Variants in SELPLG observed in about 807,000 individuals in gnomAD.
SELPLG encodes the protein P-selectin glycoprotein ligand 1.
In SELPLG, 2 loss-of-function variants were observed where a neutral mutation model predicts 1.1. The ratio of observed to expected loss-of-function variants is 1.82; its 90% CI spans 0.74 to 5.71. The LOEUF is 5.71. SELPLG is among the 30% of genes most tolerant of loss of function. The probability of loss-of-function intolerance (pLI) is 0.05; values close to 1 mark genes in which losing one functional copy is unlikely to be tolerated. For synonymous variants in SELPLG, 230 were observed against 221.2 expected (o/e 1.04, Z -0.35); for missense variants, 478 against 524.7 (o/e 0.91, Z 0.87).
chr12:108,629,919 T>G (rs2032014827), intron 1 of SELPLG, among the ~76,000 whole-genome samples: 1 of 152,214 alleles, frequency 6.6e-6, no homozygotes, highest in African/African-American at 2.4e-5. Context: ...CACGGAGGGA[T>G]GATTTCATCC....
chr12:108,632,382 A>C (rs1276730238), intron 1 of SELPLG, among the ~76,000 whole-genome samples: 2 of 129,562 alleles, frequency 1.5e-5, no homozygotes, highest in Non-Finnish European at 3.3e-5. Flanking sequence ...AGATATCGAC[A>C]ATATGGGGTG....
chr12:108,627,592 C>T (rs1037961598), intron 1 of SELPLG, among the ~76,000 whole-genome samples: 19 of 152,188 alleles, frequency 1.2e-4, no homozygotes, highest in Admixed American at 9.8e-4. Flanking sequence ...GGATAAGAAA[C>T]AGTGCCCATC....
In SELPLG at chr12:108,623,245, G is replaced by A. The variant is rs200134503; in HGVS notation, c.1063C>T (p.Arg355Cys). 6.8e-6 allele frequency: 11 copies of A among 1,610,026 alleles called. No homozygotes were observed. Among genetic ancestry groups the A allele is most frequent in the Admixed American group, 3.4e-5 (2 of 59,692 alleles). ...LSRKGHMYPV[R>C]NYSPTEMVCI... ...ACCATCTCGGTGGGGGAGTAATTACGCACGGGGTACATGTGGCCCTTGCGG... is the reference window on the plus strand; with the variant it reads ...ACCATCTCGGTGGGGGAGTAATTACACACGGGGTACATGTGGCCCTTGCGG... Residue 355 changes from arginine (R) to cysteine (C), a missense_variant, in exon 2 of 2, where the codon CGT becomes TGT. Arg to Cys is a radical substitution (Grantham distance 180). Coordinates refer to ENST00000550948, the MANE Select transcript of SELPLG (RefSeq NM_003006.4).
At chr12:108,629,367 C>T (rs551721100) in intron 1 of SELPLG, among the ~76,000 whole-genome samples, 9 of 152,190 alleles carry the variant, frequency 5.9e-5, no homozygotes, top group Non-Finnish European at 1.2e-4. Context: ...ACACAGCAGC[C>T]TGGAGCCAGG....
chr12:108,630,102 G>A (rs1358464152), intron 1 of SELPLG, among the ~76,000 whole-genome samples: 1 of 152,178 alleles, frequency 6.6e-6, no homozygotes, highest in Non-Finnish European at 1.5e-5. Flanking sequence ...GTGGGGCCAG[G>A]GCAGGGCTCC....
In SELPLG at chr12:108,622,663, G is replaced by A. The variant is rs182126081; in HGVS notation, c.*406C>T. ...CCAAAAGACAATGGCAGTGCAGTGC[G>A]TGTGGGATGGGGGAGCTCCATCTTC... On this transcript the variant is annotated 3_prime_UTR_variant, in exon 2 of 2. Coordinates refer to ENST00000550948, the MANE Select transcript of SELPLG (RefSeq NM_003006.4). 1 of 186,916 alleles carries A rather than the reference G, an allele frequency of 5.3e-6. No individual in the cohort carries two copies. Among genetic ancestry groups the A allele is most frequent in the Middle Eastern group, 2.3e-3 (1 of 434 alleles). The allele number at this position is 186,916 out of a possible 1,614,324, so 11.6% of individuals were successfully genotyped here.
At chr12:108,628,663 T>TTG (rs750087087) in intron 1 of SELPLG, 1 of 152,256 alleles carries the variant, frequency 6.6e-6, no homozygotes, top group Non-Finnish European at 1.5e-5. Flanking sequence ...GGGAGGCATC[T>TTG]TGGTGAGTCA....
At chr12:108,631,464 G>T (rs1168723287) in intron 1 of SELPLG, among the ~76,000 whole-genome samples, 1 of 152,112 alleles carries the variant, frequency 6.6e-6, no homozygotes, top group East Asian at 1.9e-4. Flanking sequence ...GCCCAGGTTG[G>T]TCTCAAACTC....
chr12:108,630,933 C>T (rs1240779259), intron 1 of SELPLG, among the ~76,000 whole-genome samples: 5 of 152,242 alleles, frequency 3.3e-5, no homozygotes, highest in African/African-American at 9.6e-5. Flanking sequence ...GGCAGGCACA[C>T]ACCCCTCGCA....
chr12:108,624,686 C>CTTTTTTTT (rs34381191), intron 1 of SELPLG, among the ~76,000 whole-genome samples: 1 of 143,002 alleles, frequency 7.0e-6, no homozygotes, highest in Non-Finnish European at 1.5e-5. Flanking sequence ...CATGTCACTC[C>CTTTTTTTT]TTTTTTCTTT....
At chr12:108,628,890 T>G (rs2031993646) in intron 1 of SELPLG, 1 of 152,248 alleles carries the variant, frequency 6.6e-6, no homozygotes, top group African/African-American at 2.4e-5. Flanking sequence ...CTCGGGCAGG[T>G]TGCTTCACCC....
Position 108,622,930 on chromosome 12 carries a change from C to T in SELPLG, c.*139G>A. ...GCTGCTCTTGTCCTGTTTGGGTGGC[C>T]AGAGTTCCTTCCCTGAAGATCCCCA... On this transcript the variant is annotated 3_prime_UTR_variant, in exon 2 of 2. Coordinates refer to ENST00000550948, the MANE Select transcript of SELPLG (RefSeq NM_003006.4). 1.1e-6 allele frequency: 1 copy of T among 917,138 alleles called. No homozygotes were observed. Among genetic ancestry groups the T allele is most frequent in the South Asian group, 2.2e-5 (1 of 45,006 alleles). The allele number at this position is 917,138 out of a possible 1,614,324, so 56.8% of individuals were successfully genotyped here.
At chr12:108,632,903 C>G (rs1412701604) in intron 1 of SELPLG, among the ~76,000 whole-genome samples, 1 of 152,158 alleles carries the variant, frequency 6.6e-6, no homozygotes, top group Admixed American at 6.5e-5. Context: ...TTGCCACAGA[C>G]AAGTGTCATT....
chr12:108,633,183 T>G (rs1237864795), intron 1 of SELPLG, among the ~76,000 whole-genome samples: 1 of 152,180 alleles, frequency 6.6e-6, no homozygotes, highest in Admixed American at 6.6e-5. Flanking sequence ...AGCCAGACGC[T>G]GCAGGCAAAC....
At chr12:108,631,331 T>C (rs2136771051) in intron 1 of SELPLG, among the ~76,000 whole-genome samples, 1 of 152,286 alleles carries the variant, frequency 6.6e-6, no homozygotes, top group Admixed American at 6.5e-5. Context: ...GGTGCAATCA[T>C]AGCTCACTGC....
At chr12:108,627,138 T>C (rs2031951236) in intron 1 of SELPLG, among the ~76,000 whole-genome samples, 1 of 152,210 alleles carries the variant, frequency 6.6e-6, no homozygotes, top group Non-Finnish European at 1.5e-5. Context: ...AACCAAACTT[T>C]ACGATATTTG....
At chr12:108,625,814 C>A (rs11114015) in intron 1 of SELPLG, among the ~76,000 whole-genome samples, 2 of 152,172 alleles carry the variant, frequency 1.3e-5, no homozygotes, top group Non-Finnish European at 2.9e-5. Flanking sequence ...ATTAAAAATT[C>A]TATGCTGAGA....
At chr12:108,627,135 C>G (rs771580501) in intron 1 of SELPLG, among the ~76,000 whole-genome samples, 24 of 152,218 alleles carry the variant, frequency 1.6e-4, no homozygotes, top group Non-Finnish European at 2.5e-4. Context: ...TTAAACCAAA[C>G]TTTACGATAT....
Position 108,623,545 on chromosome 12 carries a change from G to A in SELPLG, c.763C>T (p.Pro255Ser), listed in dbSNP as rs114238290. ...GACAGGGCCTCCATGGCTGCCAGTG[G>A]AGTGGTCTGTGCCTCCGTGGCTGTG... ...QPTATEAQTT[P>S]LAAMEALSTE... The change falls in exon 2 of 2, where the codon CCA (proline) becomes TCA (serine). Residue 255 changes from proline (P) to serine (S), a missense_variant. Transcript: ENST00000550948. 9 of 1,614,112 alleles carry A rather than the reference G, an allele frequency of 5.6e-6. No individual in the cohort carries two copies. In the South Asian group the frequency reaches 9.9e-5, roughly 18 times the overall value.
Sources: allele counts gnomAD v4.1 joint callset (sites outside exome capture counted in the v4.1 genomes callset), GRCh38; gene constraint gnomAD v4.1.1; transcripts MANE v1.5; gene names NCBI Gene and HGNC (gene_info 2026-07-23, HGNC 2026-07-21).